Variants in C12orf56 observed in about 807,000 individuals in gnomAD.
The protein encoded by C12orf56 is uncharacterized protein C12orf56.
C12orf56 carries 71 observed loss-of-function variants against 69.9 expected under a neutral mutation model. That is an observed-to-expected ratio of 1.02 (90% CI 0.84 to 1.24). The LOEUF is 1.24. C12orf56 is among the 50% of genes most tolerant of loss of function. The probability of loss-of-function intolerance (pLI) is 0.00; values close to 1 mark genes in which losing one functional copy is unlikely to be tolerated. For synonymous variants in C12orf56, 276 were observed against 274.1 expected, an observed-to-expected ratio of 1.01 and a Z score of -0.07; for missense variants, 732 against 738.5, an observed-to-expected ratio of 0.99 and a Z score of 0.10.
intron 3 of C12orf56, among the ~76,000 whole-genome samples, chr12:64,328,694 AAAAAAAAAAAAAATATATAT>A (rs1423230552): frequency 2.2e-4 from 4 of 18,038 alleles, no homozygotes; most frequent in African/African-American, 7.8e-4. Flanking sequence ...AAAAAAAAAA[AAAAAAAAAAAAAATATATAT>A]ATATATATAT....
chr12:64,266,826 G>C lies in C12orf56; in HGVS notation c.*357C>G, dbSNP rs1001924490. ...AGAACCTTCTTGCTTTTGCTGCTAAGGTGGAAGAGAAGTGAGTACAGCTTT... is the reference window on the plus strand; with the variant it reads ...AGAACCTTCTTGCTTTTGCTGCTAACGTGGAAGAGAAGTGAGTACAGCTTT... On this transcript the variant is annotated 3_prime_UTR_variant, in exon 13 of 13. Transcript: ENST00000543942. 3 of 292,332 alleles carry C rather than the reference G, an allele frequency of 1.0e-5. No individual in the cohort carries two copies. Among genetic ancestry groups the C allele is most frequent in the African/African-American group, 2.2e-5 (1 of 45,188 alleles). 18.1% of individuals were successfully genotyped at this position (292,332 alleles called of 1,614,324 possible).
intron 1 of C12orf56, among the ~76,000 whole-genome samples, chr12:64,365,960 T>C (rs1159291377): frequency 7.7e-6 from 1 of 130,616 alleles, no homozygotes; most frequent in East Asian, 2.1e-4. Flanking sequence ...ATATTGTATA[T>C]AGTGTATATA....
intron 2 of C12orf56, among the ~76,000 whole-genome samples, chr12:64,341,177 G>A (rs1044585425): frequency 6.6e-6 from 1 of 152,106 alleles, no homozygotes; most frequent in African/African-American, 2.4e-5. Flanking sequence ...TGTGTCTCCT[G>A]GTGGCAGCAT....
In C12orf56 at chr12:64,365,068, A is replaced by G. The variant is rs568399232; in HGVS notation, c.253-12012T>C. Among the ~76,000 whole-genome samples the G allele has an allele frequency of 1.4e-4, 21 of 151,900 alleles. No individual in the cohort carries two copies. The South Asian group carries it at 4.0e-3, about 29-fold the overall frequency. ...TGTCACATAGAATATAAGAACTAAC[A>G]TTCATTGAACACTCATTACATGATC... On this transcript the variant is annotated intron_variant, in intron 1 of 12. Transcript: ENST00000543942.
At chr12:64,379,362 G>T (rs545704060) in intron 1 of C12orf56, among the ~76,000 whole-genome samples, 1 of 150,788 alleles carries the variant, frequency 6.6e-6, no homozygotes, top group Admixed American at 6.6e-5. Flanking sequence ...TCTGCTCACT[G>T]CAAGCTCCGC....
intron 1 of C12orf56, among the ~76,000 whole-genome samples, chr12:64,365,009 T>C (rs1404700579): frequency 6.6e-6 from 1 of 151,978 alleles, no homozygotes; most frequent in East Asian, 1.9e-4. Context: ...AGCATGAAGA[T>C]GGGGAAAGGA....
chr12:64,374,201 T>A (rs12823963), intron 1 of C12orf56, among the ~76,000 whole-genome samples: 1 of 151,988 alleles, frequency 6.6e-6, no homozygotes, highest in Non-Finnish European at 1.5e-5. Context: ...ATCATAATAT[T>A]GAAAATTATT....
chr12:64,382,602 C>T (rs940263929), intron 1 of C12orf56, among the ~76,000 whole-genome samples: 12 of 152,178 alleles, frequency 7.9e-5, no homozygotes, highest in Admixed American at 2.6e-4. Flanking sequence ...TGGCTGGGCA[C>T]GGTGGCTCAC....
intron 7 of C12orf56, among the ~76,000 whole-genome samples, chr12:64,285,530 G>C (rs1293196170): frequency 6.6e-6 from 1 of 152,126 alleles, no homozygotes; most frequent in Non-Finnish European, 1.5e-5. Flanking sequence ...GCTCATGTCT[G>C]TAATCCCAGC....
chr12:64,342,402 G>A (rs1208632139), intron 2 of C12orf56, among the ~76,000 whole-genome samples: 4 of 152,168 alleles, frequency 2.6e-5, no homozygotes, highest in Non-Finnish European at 5.9e-5. Flanking sequence ...TTCGGGTGGT[G>A]CCTGCATATC....
chr12:64,365,894 T>C (rs1489489279), intron 1 of C12orf56, among the ~76,000 whole-genome samples: 3 of 135,934 alleles, frequency 2.2e-5, no homozygotes, highest in Non-Finnish European at 4.6e-5. Flanking sequence ...ATAGTGTATA[T>C]ATTATACATT....
At chr12:64,273,338 C>G (rs563715627) in intron 11 of C12orf56, among the ~76,000 whole-genome samples, 54 of 151,762 alleles carry the variant, frequency 3.6e-4, no homozygotes, top group African/African-American at 1.2e-3. Context: ...TACCTCGTGT[C>G]CATCAGCAAT....
chr12:64,380,135 C>CAAAAAAAAAAA (rs796914776), intron 1 of C12orf56, among the ~76,000 whole-genome samples: 1 of 43,264 alleles, frequency 2.3e-5, no homozygotes, highest in African/African-American at 6.2e-5. Context: ...AAAAAAAAAA[C>CAAAAAAAAAAA]AAAACAAACA....
In C12orf56 at chr12:64,339,562, T is replaced by G. The variant is rs188833418; in HGVS notation, c.416-8530A>C. Among the ~76,000 whole-genome samples, 22 of 151,932 alleles carry G rather than the reference T, an allele frequency of 1.4e-4. No homozygotes were observed. The East Asian group carries it at 3.9e-3, about 27-fold the overall frequency. ...TTAAGGGTTTTTTTAAGTTTGTATT[T>G]GTTTGTTTGTTTGTTTTTCAGACAG... On this transcript the variant is annotated intron_variant, in intron 2 of 12. Coordinates refer to ENST00000543942, the MANE Select transcript of C12orf56 (RefSeq NM_001170633.2).
At chr12:64,267,449 G>A in intron 12 of C12orf56, 161 bp from the exon 13 acceptor site, 1 of 622,176 alleles carries the variant, frequency 1.6e-6, no homozygotes, top group East Asian at 2.8e-5. Flanking sequence ...TCCCCCATTT[G>A]TGACCTAGAA....
chr12:64,382,136 C>T (rs1431881095), intron 1 of C12orf56, among the ~76,000 whole-genome samples: 2 of 151,630 alleles, frequency 1.3e-5, no homozygotes, highest in African/African-American at 4.8e-5. Flanking sequence ...GGTGGTGTGC[C>T]CCTGTAACCT....
intron 6 of C12orf56, among the ~76,000 whole-genome samples, chr12:64,286,862 T>C (rs1013870430): frequency 6.6e-6 from 1 of 152,132 alleles, no homozygotes; most frequent in African/African-American, 2.4e-5. Context: ...GAATGCCAGC[T>C]GGGAATGCCA....
chr12:64,330,844 A>AT, intron 3 of C12orf56, 116 bp downstream of exon 3: 1 of 774,694 alleles, frequency 1.3e-6, no homozygotes, highest in Non-Finnish European at 2.0e-6. Flanking sequence ...CATATGTAAG[A>AT]TTAATAGAAC....
At chr12:64,338,241 C>A in intron 2 of C12orf56, 1 of 550,370 alleles carries the variant, frequency 1.8e-6, no homozygotes, top group South Asian at 1.5e-5. Context: ...ATCTGCTGGA[C>A]TATGAGATCC....
Sources: gnomAD v4.1 joint callset for allele counts (sites outside exome capture counted in the v4.1 genomes callset) on GRCh38, gnomAD v4.1.1 for gene constraint, MANE v1.5 for transcripts, NCBI Gene and HGNC (gene_info 2026-07-23, HGNC 2026-07-21) for gene names.